DOCK5: variants seen among roughly 807,000 people sequenced by gnomAD.
DOCK5 encodes the protein dedicator of cytokinesis protein 5.
Under a neutral mutation model 251.8 loss-of-function variants are expected in DOCK5, and 142 were observed. The ratio of observed to expected loss-of-function variants is 0.56; its 90% CI spans 0.49 to 0.65. The LOEUF is 0.65. DOCK5 is among the 30% of genes least tolerant of loss of function. The probability of loss-of-function intolerance (pLI) is 0.00; values close to 1 mark genes in which losing one functional copy is unlikely to be tolerated. For missense variants in DOCK5, 2,111 were observed against 2,312.3 expected (o/e 0.91, Z 1.79); for synonymous variants, 842 against 835.5 (o/e 1.01, Z -0.13).
chr8:25,292,455 A>C (rs1233721303), intron 6 of DOCK5, among the ~76,000 whole-genome samples: 1 of 152,118 alleles, frequency 6.6e-6, no homozygotes, highest in Non-Finnish European at 1.5e-5. Context: ...AGAAAACAAA[A>C]ACAAAAAACC....
At chr8:25,390,616 TC>T (rs1386631024) in intron 42 of DOCK5, among the ~76,000 whole-genome samples, 1 of 151,982 alleles carries the variant, frequency 6.6e-6, no homozygotes, top group East Asian at 1.9e-4. Context: ...CAGAGGAAAA[TC>T]AGAAATTTCA....
intron 27 of DOCK5, among the ~76,000 whole-genome samples, chr8:25,353,751 C>T (rs2468894): frequency 0.71 from 107,616 of 151,902 alleles, 40,191 homozygotes; most frequent in Middle Eastern, 0.84. Flanking sequence ...AAGCTGGGTG[C>T]GGTGGCTCAT....
intron 1 of DOCK5, among the ~76,000 whole-genome samples, chr8:25,191,096 G>A (rs962982987): frequency 1.3e-5 from 2 of 152,162 alleles, no homozygotes; most frequent in African/African-American, 4.8e-5. Context: ...TCTCTTGTGA[G>A]GTACCATTCT....
chr8:25,348,313 C>T (rs1800406095), intron 26 of DOCK5, among the ~76,000 whole-genome samples: 1 of 152,196 alleles, frequency 6.6e-6, no homozygotes, highest in African/African-American at 2.4e-5. Flanking sequence ...GAAGTTGTCT[C>T]TGGTGTGGTC....
At chr8:25,406,772 C>A (rs534055229) in intron 48 of DOCK5, among the ~76,000 whole-genome samples, 3 of 151,756 alleles carry the variant, frequency 2.0e-5, no homozygotes, top group Non-Finnish European at 4.4e-5. Flanking sequence ...GGACTACAGG[C>A]GCCCACCACC....
rs1804506131 is a variant in DOCK5, at chr8:25,292,095, C to G, written c.393C>G (p.Ile131Met). 1 of 1,592,932 alleles carries G rather than the reference C, an allele frequency of 6.3e-7. No individual in the cohort carries two copies. The highest frequency in any genetic ancestry group is 8.6e-7 in the Non-Finnish European group (1 of 1,168,714). Residue 131 changes from isoleucine (I) to methionine (M), a missense_variant, in exon 6 of 52, where the codon ATC becomes ATG. Ile to Met is a conservative substitution (Grantham distance 10). Coordinates refer to ENST00000276440, the MANE Select transcript of DOCK5 (RefSeq NM_024940.8). ...TYSLIEWRSQILSGTLPKDEL... is the reference protein window; with the variant it reads ...TYSLIEWRSQMLSGTLPKDEL... ...GCCTGATCGAGTGGCGGTCCCAGAT[C>G]CTGTCTGGGACGCTCCCCAAGGATG...
intron 47 of DOCK5, among the ~76,000 whole-genome samples, chr8:25,402,060 G>A (rs1315056774): frequency 6.6e-6 from 1 of 152,098 alleles, no homozygotes; most frequent in East Asian, 1.9e-4. Flanking sequence ...ATACGTTCTA[G>A]CTCTACTTAT....
At chr8:25,411,143 T>G in intron 51 of DOCK5, 51 bp from the exon 52 acceptor site, 1 of 1,459,924 alleles carries the variant, frequency 6.8e-7, no homozygotes, top group Non-Finnish European at 9.1e-7. Context: ...GAAGGCAGAA[T>G]TGGGAAGAAA....
chr8:25,249,871 G>A (rs577681246), intron 2 of DOCK5, among the ~76,000 whole-genome samples: 1 of 152,284 alleles, frequency 6.6e-6, no homozygotes, highest in South Asian at 2.1e-4. Flanking sequence ...CAGTGTGTTG[G>A]GATTATAGGC....
chr8:25,199,471 C>A (rs969772121), intron 1 of DOCK5, among the ~76,000 whole-genome samples: 5 of 151,130 alleles, frequency 3.3e-5, no homozygotes, highest in African/African-American at 1.2e-4. Context: ...GCAACCTCCA[C>A]CTCCTGTGTT....
intron 23 of DOCK5, 58 bp downstream of exon 23, chr8:25,341,046 A>T (rs1241379924): frequency 4.4e-6 from 6 of 1,377,406 alleles, no homozygotes; most frequent in African/African-American, 2.9e-5. Context: ...ATGTTCTGGG[A>T]CCGCTTAGAA....
intron 13 of DOCK5, 87 bp downstream of exon 13, chr8:25,310,619 A>G: frequency 6.9e-7 from 1 of 1,446,100 alleles, no homozygotes; most frequent in Non-Finnish European, 9.2e-7. Flanking sequence ...TGGATCCAGA[A>G]GACTTGGTTA....
chr8:25,312,990 A>C (rs1323557166), intron 13 of DOCK5, among the ~76,000 whole-genome samples: 1 of 152,132 alleles, frequency 6.6e-6, no homozygotes, highest in Non-Finnish European at 1.5e-5. Flanking sequence ...TGGATCAGCT[A>C]ATCAAGATCT....
At chr8:25,254,122 G>C (rs982562482) in intron 2 of DOCK5, among the ~76,000 whole-genome samples, 1 of 152,136 alleles carries the variant, frequency 6.6e-6, no homozygotes, top group Non-Finnish European at 1.5e-5. Flanking sequence ...AAGAACAAAG[G>C]CAATACAATA....
rs1802087244 is a variant in DOCK5 at position 25,210,035 on chromosome 8, A to ATATAT, written c.43+25084_43+25085insTATAT. 3.4e-4 allele frequency among the ~76,000 whole-genome samples: 4 copies of ATATAT among 11,716 alleles called. 1 individual carries two copies. The highest frequency in any genetic ancestry group is 6.3e-4 in the African/African-American group (4 of 6,354). The allele number at this position is 11,716 out of a possible 152,430, so 7.7% of individuals were successfully genotyped here. Reference sequence around the variant, plus strand: ...ATATATATATATATATATATATATAAATGTGTGTGTGTGTGTGTGTGTGTG... The same window carrying ATATAT: ...ATATATATATATATATATATATATAATATATATGTGTGTGTGTGTGTGTGTGTGTG... On this transcript the variant is annotated intron_variant, in intron 1 of 51. Transcript: ENST00000276440.
intron 31 of DOCK5, 148 bp downstream of exon 31, chr8:25,367,118 C>A: frequency 1.5e-6 from 1 of 681,748 alleles, no homozygotes. Context: ...CTTAATAGGC[C>A]TCACATTCAC....
At chr8:25,192,941 A>T (rs1270404166) in intron 1 of DOCK5, among the ~76,000 whole-genome samples, 1 of 152,234 alleles carries the variant, frequency 6.6e-6, no homozygotes, top group African/African-American at 2.4e-5. Context: ...AATTGTAAAA[A>T]TGAAAGCAAC....
At position 25,342,353 on chromosome 8, in the gene DOCK5, C is replaced by T. The variant is rs1473473266; in HGVS notation, c.2511-48C>T. 17 of 1,454,224 alleles carry T rather than the reference C, an allele frequency of 1.2e-5. No homozygotes were observed. The East Asian group carries it at 4.2e-4, about 36-fold the overall frequency. The allele number at this position is 1,454,224 out of a possible 1,614,324, so 90.1% of individuals were successfully genotyped here. A position where few individuals can be genotyped will look rare whatever the true frequency, so the allele number is the denominator to read the frequency against. The stretch of plus-strand genomic sequence containing the variant: ...GGAGAAAAGTTTATAATGATGCCTT[C>T]AATTTGGCAGAACGAAGACACTACT... On this transcript the variant is annotated intron_variant, in intron 24 of 51. Transcript: ENST00000276440.
chr8:25,185,885 TCTGCCCTGAA>T (rs1375329930), intron 1 of DOCK5, among the ~76,000 whole-genome samples: 1 of 152,206 alleles, frequency 6.6e-6, no homozygotes, highest in African/African-American at 2.4e-5. Context: ...TGGGAAGACT[TCTGCCCTGAA>T]CGGGGTGATT....
Sources: gnomAD v4.1 joint callset for allele counts (sites outside exome capture counted in the v4.1 genomes callset) on GRCh38, gnomAD v4.1.1 for gene constraint, MANE v1.5 for transcripts, NCBI Gene and HGNC (gene_info 2026-07-23, HGNC 2026-07-21) for gene names.